Variants in TBC1D32 observed in about 807,000 individuals in gnomAD.
The protein encoded by TBC1D32 is protein broad-minded.
In TBC1D32, 151 loss-of-function variants were observed where a neutral mutation model predicts 170.3. The observed-to-expected ratio is 0.89, with a 90% CI of 0.78 to 1.01. TBC1D32 has a LOEUF of 1.01. TBC1D32 is among the 50% of genes least tolerant of loss of function. The pLI, the probability that TBC1D32 is intolerant of heterozygous loss-of-function variation, is 0.00. For missense variants in TBC1D32, 1,464 were observed against 1,457.1 expected (o/e 1.00, Z -0.08); for synonymous variants, 498 against 488.0 (o/e 1.02, Z -0.27).
chr6:121,170,492 A>G (rs1786820827), intron 22 of TBC1D32: 1 of 1,606,790 alleles, frequency 6.2e-7, no homozygotes, highest in African/African-American at 1.3e-5. Context: ...TAACAGGAGA[A>G]GAGTGTCCAG....
At chr6:121,105,894 A>G in intron 30 of TBC1D32, 129 bp downstream of exon 30, 1 of 1,073,804 alleles carries the variant, frequency 9.3e-7, no homozygotes, top group Non-Finnish European at 1.3e-6. Context: ...CTGGGGAGAA[A>G]AGCTAGCTTG....
At position 121,212,496 on chromosome 6, in the gene TBC1D32, C is replaced by A. The variant is rs1382309237; in HGVS notation, c.2482-7333G>T. Among the ~76,000 whole-genome samples the A allele has an allele frequency of 4.1e-5, 6 of 147,798 alleles. No homozygotes were observed. In the Admixed American group the frequency reaches 4.2e-4, roughly 10 times the overall value. ...TGAGATGGAGTTTCCCTCTTGTTTCCCAGGCTGGAGTGTAGTGGCACAATC... is the reference window on the plus strand; with the variant it reads ...TGAGATGGAGTTTCCCTCTTGTTTCACAGGCTGGAGTGTAGTGGCACAATC... On this transcript the variant is annotated intron_variant, in intron 21 of 31. Coordinates refer to ENST00000398212, the MANE Select transcript of TBC1D32 (RefSeq NM_152730.6).
At chr6:121,215,214 G>A (rs1334767322) in intron 21 of TBC1D32, among the ~76,000 whole-genome samples, 1 of 152,190 alleles carries the variant, frequency 6.6e-6, no homozygotes, top group Non-Finnish European at 1.5e-5. Flanking sequence ...AGCACTGTAA[G>A]TCCTCACTCC....
At chr6:121,313,432 C>T (rs969272589) in intron 3 of TBC1D32, among the ~76,000 whole-genome samples, 26 of 151,890 alleles carry the variant, frequency 1.7e-4, no homozygotes, top group African/African-American at 5.3e-4. Flanking sequence ...TACAGGCACG[C>T]GCCACTATAC....
At chr6:121,229,479 G>A (rs957490197) in intron 20 of TBC1D32, among the ~76,000 whole-genome samples, 29 of 152,094 alleles carry the variant, frequency 1.9e-4, no homozygotes, top group African/African-American at 7.0e-4. Flanking sequence ...TCCATCCTTT[G>A]GATATATGCA....
At chr6:121,217,846 G>A (rs557032202) in intron 21 of TBC1D32, among the ~76,000 whole-genome samples, 6 of 152,286 alleles carry the variant, frequency 3.9e-5, no homozygotes, top group African/African-American at 1.4e-4. Flanking sequence ...CAAGGTGTTA[G>A]GGAGGCAAAT....
intron 22 of TBC1D32, among the ~76,000 whole-genome samples, chr6:121,192,170 G>T (rs1790168838): frequency 6.6e-6 from 1 of 151,420 alleles, no homozygotes; most frequent in Non-Finnish European, 1.5e-5. Context: ...TATTAAGGAT[G>T]TTCTTTCATT....
rs1775459172 is a variant in TBC1D32 at position 121,079,641 on chromosome 6, CT to C, written c.*1129del. The C allele has an allele frequency of 6.6e-6, 1 of 152,044 alleles. No homozygotes were observed. Among genetic ancestry groups the C allele is most frequent in the South Asian group, 2.1e-4 (1 of 4,824 alleles). 9.4% of individuals were successfully genotyped at this position (152,044 alleles called of 1,614,324 possible). A position where few individuals can be genotyped will look rare whatever the true frequency, so the allele number is the denominator to read the frequency against. ...ATATTCGTGTATTATCTTTCATATA[CT>C]CATTGTGAGTTAAGATATAAAAAAT... is the stretch of plus-strand genomic sequence containing the variant. On this transcript the variant is annotated 3_prime_UTR_variant, in exon 32 of 32. Transcript: ENST00000398212.
intron 30 of TBC1D32, among the ~76,000 whole-genome samples, chr6:121,095,496 T>A (rs552598264): frequency 5.9e-5 from 9 of 152,180 alleles, no homozygotes; most frequent in Non-Finnish European, 1.2e-4. Flanking sequence ...AGAGAGGACA[T>A]CCTTGTCTTG....
At chr6:121,234,743 C>G (rs1796132289) in intron 20 of TBC1D32, among the ~76,000 whole-genome samples, 1 of 152,004 alleles carries the variant, frequency 6.6e-6, no homozygotes. Flanking sequence ...TGGTTTGGAT[C>G]TATTGCTGAT....
intron 15 of TBC1D32, among the ~76,000 whole-genome samples, chr6:121,266,564 A>G (rs1800513328): frequency 6.6e-6 from 1 of 152,200 alleles, no homozygotes; most frequent in Admixed American, 6.5e-5. Context: ...ACTACTGGGT[A>G]TATACCCAAA....
chr6:121,156,739 A>C (rs1016202607), intron 24 of TBC1D32, among the ~76,000 whole-genome samples: 4 of 27,686 alleles, frequency 1.4e-4, no homozygotes, highest in Admixed American at 1.4e-3. Flanking sequence ...TTTCAAAGAA[A>C]GTTTTTATTT....
chr6:121,223,971 G>C (rs1190547261), intron 20 of TBC1D32, among the ~76,000 whole-genome samples: 1 of 151,924 alleles, frequency 6.6e-6, no homozygotes, highest in Non-Finnish European at 1.5e-5. Context: ...ATTTACTCTT[G>C]GGCTCCCCAG....
At chr6:121,107,941 G>C (rs1562504999) in intron 29 of TBC1D32, among the ~76,000 whole-genome samples, 1 of 152,018 alleles carries the variant, frequency 6.6e-6, no homozygotes, top group Non-Finnish European at 1.5e-5. Context: ...TGAGGTAAGA[G>C]TTCTTCTACT....
At chr6:121,280,146 T>C (rs1802783324) in intron 14 of TBC1D32, among the ~76,000 whole-genome samples, 1 of 151,868 alleles carries the variant, frequency 6.6e-6, no homozygotes. Context: ...TCACTTTTCC[T>C]ATTAAATATC....
intron 21 of TBC1D32, among the ~76,000 whole-genome samples, chr6:121,210,669 T>C (rs747650208): frequency 2.0e-5 from 3 of 152,106 alleles, no homozygotes; most frequent in Non-Finnish European, 2.9e-5. Context: ...GACTTAAAGA[T>C]AGGAGATTAT....
intron 24 of TBC1D32, among the ~76,000 whole-genome samples, chr6:121,134,101 A>C (rs751430922): frequency 6.6e-6 from 1 of 152,122 alleles, no homozygotes; most frequent in African/African-American, 2.4e-5. Flanking sequence ...TCCACATTAC[A>C]TATTGCCAAG....
At chr6:121,291,093 T>C (rs866658789) in intron 12 of TBC1D32, among the ~76,000 whole-genome samples, 8 of 151,946 alleles carry the variant, frequency 5.3e-5, no homozygotes, top group Admixed American at 2.0e-4. Context: ...GGCACATGTA[T>C]ACATATGTAA....
intron 20 of TBC1D32, among the ~76,000 whole-genome samples, chr6:121,228,397 T>C (rs1032662796): frequency 2.6e-5 from 4 of 152,138 alleles, no homozygotes; most frequent in African/African-American, 9.7e-5. Context: ...CTAATACAAA[T>C]ATTAAAGTTA....
Sources: gnomAD v4.1 joint callset for allele counts (sites outside exome capture counted in the v4.1 genomes callset) on GRCh38, gnomAD v4.1.1 for gene constraint, MANE v1.5 for transcripts, NCBI Gene and HGNC (gene_info 2026-07-23, HGNC 2026-07-21) for gene names.